The following HNRNPA1L2 variants were observed in gnomAD, a reference collection of about 807,000 sequenced individuals.
The protein encoded by HNRNPA1L2 is heterogeneous nuclear ribonucleoprotein A1-like 2.
A neutral mutation model predicts 18.2 loss-of-function variants in HNRNPA1L2; 10 were observed. The ratio of observed to expected loss-of-function variants is 0.55; its 90% confidence interval spans 0.34 to 0.93. The LOEUF (loss-of-function observed/expected upper bound fraction) is 0.93, where lower values mean the gene tolerates loss of function less well. Ranked by LOEUF, HNRNPA1L2 falls within the 40% of genes least tolerant of loss-of-function variation. The pLI is 0.02. For missense variants in HNRNPA1L2, 308 were observed against 394.4 expected (o/e 0.78, Z 1.85); for synonymous variants, 124 against 138.6 (o/e 0.89, Z 0.74).
At chr13:52,619,650 G>C in the HNRNPA1L2 span, among the ~76,000 whole-genome samples, 2 of 151,782 alleles carry the variant, frequency 1.3e-5, no homozygotes, top group African/African-American at 4.8e-5. Context: ...GGCTGGGCGT[G>C]GTGGCTCACG....
the HNRNPA1L2 span, among the ~76,000 whole-genome samples, chr13:52,624,398 C>T: frequency 6.6e-6 from 1 of 152,224 alleles, no homozygotes; most frequent in Admixed American, 6.5e-5. Context: ...AGGCACGCCA[C>T]CGTGCCTGGC....
the HNRNPA1L2 span, among the ~76,000 whole-genome samples, chr13:52,635,317 G>T: frequency 1.3e-5 from 2 of 151,798 alleles, no homozygotes; most frequent in African/African-American, 4.8e-5. Flanking sequence ...TAGAGTGGAG[G>T]ATAAATCATA....
chr13:52,628,458 T>TA, the HNRNPA1L2 span, among the ~76,000 whole-genome samples: 9 of 151,902 alleles, frequency 5.9e-5, no homozygotes, highest in African/African-American at 1.9e-4. Context: ...GAAATTATAT[T>TA]TAAAAAAAAA....
the HNRNPA1L2 span, among the ~76,000 whole-genome samples, chr13:52,626,890 T>G: frequency 2.6e-5 from 4 of 152,180 alleles, no homozygotes; most frequent in Non-Finnish European, 5.9e-5. Context: ...TCAGATTAGT[T>G]TTGCCTGTTC....
chr13:52,642,374 C>T, upstream of HNRNPA1L2: 2 of 1,324,034 alleles, frequency 1.5e-6, no homozygotes, highest in Non-Finnish European at 2.1e-6. Context: ...CAAAGAGAAT[C>T]AGCCAGAATC....
the HNRNPA1L2 span, among the ~76,000 whole-genome samples, chr13:52,620,610 G>A: frequency 6.6e-6 from 1 of 152,172 alleles, no homozygotes; most frequent in Non-Finnish European, 1.5e-5. Flanking sequence ...TTAGCAAGGA[G>A]CATAGATACT....
At chr13:52,624,972 A>T in the HNRNPA1L2 span, among the ~76,000 whole-genome samples, 2 of 152,126 alleles carry the variant, frequency 1.3e-5, no homozygotes, top group East Asian at 1.9e-4. Context: ...TGGACAATGC[A>T]GTGAGCCGAG....
At chr13:52,640,387 A>G (rs1961620421), upstream of HNRNPA1L2, among the ~76,000 whole-genome samples, 1 of 152,176 alleles carries the variant, frequency 6.6e-6, no homozygotes, top group Non-Finnish European at 1.5e-5. Flanking sequence ...CATCTACATC[A>G]CTGGAAACAT....
the HNRNPA1L2 span, among the ~76,000 whole-genome samples, chr13:52,637,023 G>A: frequency 6.6e-6 from 1 of 152,154 alleles, no homozygotes; most frequent in African/African-American, 2.4e-5. Flanking sequence ...AGTAGAGATG[G>A]GGTTTCACCA....
chr13:52,639,694 C>CAAAAAAAAAAAAAAAAAAAAAAAAAAA (rs10661534), upstream of HNRNPA1L2, among the ~76,000 whole-genome samples: 6 of 73,546 alleles, frequency 8.2e-5, no homozygotes, highest in African/African-American at 3.1e-4. Context: ...GACCCTGTCT[C>CAAAAAAAAAAAAAAAAAAAAAAAAAAA]AAAAAAAAAA....
At chr13:52,640,224 G>T (rs1242076760), upstream of HNRNPA1L2, among the ~76,000 whole-genome samples, 1 of 152,196 alleles carries the variant, frequency 6.6e-6, no homozygotes, top group Non-Finnish European at 1.5e-5. Context: ...TTACAGGCGT[G>T]AGCCATTGCA....
chr13:52,629,949 G>A, the HNRNPA1L2 span, among the ~76,000 whole-genome samples: 2 of 152,172 alleles, frequency 1.3e-5, no homozygotes, highest in Admixed American at 1.3e-4. Context: ...TTAGCCGGAC[G>A]TGGTGGTGAG....
the HNRNPA1L2 span, among the ~76,000 whole-genome samples, chr13:52,624,501 GT>G: frequency 6.6e-6 from 1 of 152,126 alleles, no homozygotes; most frequent in Non-Finnish European, 1.5e-5. Flanking sequence ...TAGGATATTT[GT>G]TTTTACCACA....
chr13:52,634,728 T>A, the HNRNPA1L2 span, among the ~76,000 whole-genome samples: 1 of 152,190 alleles, frequency 6.6e-6, no homozygotes, highest in East Asian at 1.9e-4. Context: ...GATATAGTCA[T>A]AGGCCCTACT....
chr13:52,629,743 C>T, the HNRNPA1L2 span, among the ~76,000 whole-genome samples: 1 of 152,158 alleles, frequency 6.6e-6, no homozygotes, highest in African/African-American at 2.4e-5. Flanking sequence ...TATCTCTATA[C>T]ATGCTTATCT....
chr13:52,626,548 A>G, the HNRNPA1L2 span, among the ~76,000 whole-genome samples: 1 of 152,188 alleles, frequency 6.6e-6, no homozygotes, highest in Non-Finnish European at 1.5e-5. Context: ...TTTCTTATGA[A>G]AAATTTAAAA....
chr13:52,633,790 C>T, the HNRNPA1L2 span, among the ~76,000 whole-genome samples: 3 of 152,046 alleles, frequency 2.0e-5, no homozygotes, highest in Non-Finnish European at 2.9e-5. Context: ...CCAGCCTAAG[C>T]GACAGAGTGA....
At chr13:52,632,958 A>G in the HNRNPA1L2 span, among the ~76,000 whole-genome samples, 1 of 152,208 alleles carries the variant, frequency 6.6e-6, no homozygotes. Flanking sequence ...TCAGGGTTCA[A>G]CCAACACACA....
the HNRNPA1L2 span, among the ~76,000 whole-genome samples, chr13:52,636,060 C>T: frequency 1.3e-5 from 2 of 152,110 alleles, no homozygotes; most frequent in Non-Finnish European, 2.9e-5. Context: ...TGTTCTTGAA[C>T]TCCTGACCTC....
Sources: gnomAD v4.1 joint callset for allele counts (sites outside exome capture counted in the v4.1 genomes callset) on GRCh38, gnomAD v4.1.1 for gene constraint, MANE v1.5 for transcripts, NCBI Gene and HGNC (gene_info 2026-07-23, HGNC 2026-07-21) for gene names.